TM2D1: variants seen among roughly 807,000 people sequenced by gnomAD.
TM2D1 encodes the protein TM2 domain containing 1, also known as TM2 domain-containing protein 1.
TM2D1 carries 15 observed loss-of-function variants against 28.4 expected under a neutral mutation model. The observed-to-expected ratio is 0.53, with a 90% CI of 0.35 to 0.81. The LOEUF is 0.81. TM2D1 is among the 40% of genes least tolerant of loss of function. The pLI is 0.01. For missense variants in TM2D1, 236 were observed against 254.9 expected, an observed-to-expected ratio of 0.93 and a Z score of 0.50; for synonymous variants, 93 against 96.2, an observed-to-expected ratio of 0.97 and a Z score of 0.20.
At chr1:61,691,940 T>A (rs865795861) in intron 5 of TM2D1, among the ~76,000 whole-genome samples, 28,387 of 104,918 alleles carry the variant, frequency 0.27, 4,645 homozygotes, top group South Asian at 0.42. Context: ...AAAATATATA[T>A]ATATATATAT....
At position 61,723,731 on chromosome 1, in the gene TM2D1, T is replaced by C. The variant is rs1232427248; in HGVS notation, c.220A>G (p.Thr74Ala). ...GTCTTACCATGAGCTGTGTAGTTTG[T>C]ACAGTTAACTGGTTCTTGCGTAGCG... Reference protein sequence around the residue: ...NDATQEPVNCTNYTAHVSCFP... With the variant: ...NDATQEPVNCANYTAHVSCFP... Residue 74 changes from threonine (T) to alanine (A), a missense_variant, in exon 2 of 7, where the codon ACA becomes GCA. Thr to Ala is a moderately conservative substitution (Grantham distance 58, BLOSUM62 0). This residue lies in a region of TM2D1 where 167 missense variants were observed against 162.7 expected (regional missense o/e 1.03). Coordinates refer to ENST00000606498, the MANE Select transcript of TM2D1 (RefSeq NM_032027.3). 11 of 1,559,930 alleles carry C rather than the reference T, an allele frequency of 7.1e-6. No homozygotes were observed. The Admixed American group carries it at 2.0e-4, about 28-fold the overall frequency.
chr1:61,683,379 C>T lies in TM2D1; in HGVS notation c.*19+38G>A, dbSNP rs1016219680. ...CTCATAATTTTATATGAATAATATA[C>T]CACTATAAGATATTACATATATATA... On this transcript the variant is annotated intron_variant, in intron 6 of 6. Coordinates refer to ENST00000606498, the MANE Select transcript of TM2D1 (RefSeq NM_032027.3). 6.2e-6 allele frequency: 4 copies of T among 642,492 alleles called. No homozygotes were observed. The African/African-American group carries it at 7.7e-5, about 12-fold the overall frequency. 39.8% of individuals were successfully genotyped at this position (642,492 alleles called of 1,614,324 possible). A position where few individuals can be genotyped will look rare whatever the true frequency, so the allele number is the denominator to read the frequency against.
At chr1:61,716,212 G>A (rs533273611) in intron 2 of TM2D1, among the ~76,000 whole-genome samples, 8 of 151,056 alleles carry the variant, frequency 5.3e-5, no homozygotes, top group African/African-American at 1.5e-4. Context: ...CTAGCTACTC[G>A]GGAAGCTGAG....
chr1:61,722,756 A>C (rs1204827599), intron 2 of TM2D1, among the ~76,000 whole-genome samples: 1 of 152,156 alleles, frequency 6.6e-6, no homozygotes, highest in Non-Finnish European at 1.5e-5. Flanking sequence ...GAAGTTGTTT[A>C]TATCATAGTT....
chr1:61,719,975 G>A (rs1570131008), intron 2 of TM2D1, among the ~76,000 whole-genome samples: 1 of 152,216 alleles, frequency 6.6e-6, no homozygotes, highest in East Asian at 1.9e-4. Context: ...TATGAAGAGG[G>A]CTTCTGCCAT....
chr1:61,709,184 C>A, intron 3 of TM2D1, 145 bp downstream of exon 3: 1 of 572,998 alleles, frequency 1.7e-6, no homozygotes, highest in South Asian at 2.0e-5. Flanking sequence ...AAAACAAACA[C>A]TTAAAATAAA....
intron 2 of TM2D1, among the ~76,000 whole-genome samples, chr1:61,719,666 A>AT (rs552907922): frequency 0.012 from 1,750 of 151,156 alleles, 28 homozygotes; most frequent in African/African-American, 0.039. Flanking sequence ...CTAATTTTGT[A>AT]TTTTTTTTAG....
chr1:61,720,398 C>T (rs1036642001), intron 2 of TM2D1, among the ~76,000 whole-genome samples: 10 of 152,210 alleles, frequency 6.6e-5, no homozygotes, highest in Middle Eastern at 3.4e-3. Context: ...TGTGCCACTA[C>T]GCCTGGCTAA....
intron 5 of TM2D1, among the ~76,000 whole-genome samples, chr1:61,689,123 T>C (rs955610397): frequency 6.6e-5 from 10 of 152,198 alleles, no homozygotes; most frequent in South Asian, 4.1e-4. Context: ...CTTTCCAGCA[T>C]TGGTAGTAGA....
intron 2 of TM2D1, among the ~76,000 whole-genome samples, chr1:61,714,297 C>T (rs1185495460): frequency 6.6e-6 from 1 of 151,472 alleles, no homozygotes; most frequent in Non-Finnish European, 1.5e-5. Context: ...AATCCCAGCA[C>T]TTTGGGAGGC....
intron 3 of TM2D1, among the ~76,000 whole-genome samples, chr1:61,708,857 T>TAA (rs200516516): frequency 1.8e-4 from 25 of 135,362 alleles, no homozygotes; most frequent in African/African-American, 6.2e-4. Context: ...ATTGCATTTA[T>TAA]AAAAAAAAAA....
At chr1:61,721,184 C>T (rs529306890) in intron 2 of TM2D1, among the ~76,000 whole-genome samples, 10 of 151,754 alleles carry the variant, frequency 6.6e-5, no homozygotes, top group African/African-American at 2.4e-4. Flanking sequence ...TGAGCTAAGA[C>T]GGTGCCACTG....
chr1:61,692,953 C>A (rs1355803504), intron 5 of TM2D1, among the ~76,000 whole-genome samples: 2 of 152,130 alleles, frequency 1.3e-5, no homozygotes, highest in Admixed American at 6.5e-5. Context: ...TTAAGTTAAA[C>A]AACTAGAGGC....
chr1:61,691,495 C>CAAAAAA (rs1183951634), intron 5 of TM2D1, among the ~76,000 whole-genome samples: 8 of 39,330 alleles, frequency 2.0e-4, no homozygotes, highest in East Asian at 7.8e-4. Flanking sequence ...AACTCCATCT[C>CAAAAAA]AAAAAAAAAA....
At chr1:61,687,061 T>A in intron 5 of TM2D1, 1 of 828,220 alleles carries the variant, frequency 1.2e-6, no homozygotes, top group Non-Finnish European at 1.5e-6. Context: ...ATCCTGAAGC[T>A]GGCTGGGCAC....
intron 2 of TM2D1, among the ~76,000 whole-genome samples, chr1:61,712,468 T>C (rs1166334604): frequency 2.0e-5 from 3 of 152,222 alleles, no homozygotes; most frequent in African/African-American, 7.2e-5. Context: ...TGGAGTGCCC[T>C]GGTGCGATCT....
At chr1:61,707,004 C>CA in intron 3 of TM2D1, among the ~76,000 whole-genome samples, 1 of 152,276 alleles carries the variant, frequency 6.6e-6, no homozygotes, top group Admixed American at 6.5e-5. Flanking sequence ...CCTGTGATCC[C>CA]AGCACCTTGA....
chr1:61,700,766 G>C (rs140695051), intron 4 of TM2D1, among the ~76,000 whole-genome samples, 168 bp downstream of exon 4: 44 of 152,202 alleles, frequency 2.9e-4, no homozygotes, highest in Non-Finnish European at 5.1e-4. Flanking sequence ...TACCTAAGCT[G>C]AACTGTTGGG....
chr1:61,704,159 G>A (rs1644424537), intron 3 of TM2D1, among the ~76,000 whole-genome samples: 1 of 152,082 alleles, frequency 6.6e-6, no homozygotes, highest in South Asian at 2.1e-4. Context: ...TCAAGTGCTG[G>A]GATTACAGGC....
Sources: gnomAD v4.1 joint callset for allele counts (sites outside exome capture counted in the v4.1 genomes callset) on GRCh38, gnomAD v4.1.1 for gene constraint, gnomAD v4.1.1 regional missense constraint, MANE v1.5 for transcripts, NCBI Gene and HGNC (gene_info 2026-07-23, HGNC 2026-07-21) for gene names.